HIVEP3: variants seen among roughly 807,000 people sequenced by gnomAD.
The protein encoded by HIVEP3 is HIVEP zinc finger 3, also known as transcription factor HIVEP3.
Under a neutral mutation model 152.8 loss-of-function variants are expected in HIVEP3, and 49 were observed. That is an observed-to-expected ratio of 0.32 (90% CI 0.26 to 0.41). The LOEUF is 0.41. Ranked by LOEUF, HIVEP3 falls within the 10% of genes least tolerant of loss-of-function variation. HIVEP3 has a pLI of 1.00. For synonymous variants in HIVEP3, 1,269 were observed against 1,289.0 expected, an observed-to-expected ratio of 0.98 and a Z score of 0.33; for missense variants, 2,790 against 3,103.3, an observed-to-expected ratio of 0.90 and a Z score of 2.40.
At chr1:41,626,871 GA>G (rs901763689) in intron 3 of HIVEP3, among the ~76,000 whole-genome samples, 1 of 152,178 alleles carries the variant, frequency 6.6e-6, no homozygotes, top group Admixed American at 6.5e-5. Flanking sequence ...TCTTGGTGGA[GA>G]AAAAAGTGCT....
chr1:41,972,919 A>G (rs1036764092), intron 1 of HIVEP3, among the ~76,000 whole-genome samples: 1 of 152,158 alleles, frequency 6.6e-6, no homozygotes, highest in African/African-American at 2.4e-5. Flanking sequence ...AAATGTACAA[A>G]TATTTATTGA....
chr1:41,988,531 T>C (rs1391323033), intron 1 of HIVEP3, among the ~76,000 whole-genome samples: 6 of 152,130 alleles, frequency 3.9e-5, no homozygotes, highest in Admixed American at 2.0e-4. Flanking sequence ...TTCACAACAG[T>C]TAGGATAGCT....
At chr1:41,945,297 T>C (rs955747622) in intron 1 of HIVEP3, among the ~76,000 whole-genome samples, 1 of 152,144 alleles carries the variant, frequency 6.6e-6, no homozygotes, top group African/African-American at 2.4e-5. Flanking sequence ...TCTCCAATTA[T>C]GCCCCCTCCA....
chr1:41,907,387 T>G (rs1004993222), intron 1 of HIVEP3, among the ~76,000 whole-genome samples: 10 of 152,152 alleles, frequency 6.6e-5, no homozygotes, highest in African/African-American at 2.4e-4. Flanking sequence ...CTTACCACCT[T>G]GAACTCTGGG....
chr1:41,945,534 G>T (rs931960720), intron 1 of HIVEP3, among the ~76,000 whole-genome samples: 1 of 151,736 alleles, frequency 6.6e-6, no homozygotes, highest in African/African-American at 2.4e-5. Context: ...ATAACTGCAG[G>T]CCGAGAGTTT....
intron 1 of HIVEP3, among the ~76,000 whole-genome samples, chr1:41,743,864 T>C (rs977198620): frequency 6.6e-6 from 1 of 152,010 alleles, no homozygotes; most frequent in African/African-American, 2.4e-5. Flanking sequence ...GCAGAGTAAT[T>C]GGGAAATGGA....
At chr1:41,585,798 G>A (rs1016635364) in intron 3 of HIVEP3, among the ~76,000 whole-genome samples, 5 of 152,218 alleles carry the variant, frequency 3.3e-5, no homozygotes, top group African/African-American at 1.2e-4. Context: ...ATGCTGCTGG[G>A]TGAACTCTGG....
chr1:41,566,715 C>G (rs1644169205), intron 5 of HIVEP3, among the ~76,000 whole-genome samples: 1 of 152,160 alleles, frequency 6.6e-6, no homozygotes, highest in Admixed American at 6.5e-5. Context: ...CATGCCTGTC[C>G]TCACCGGGCT....
At chr1:41,741,073 T>C (rs1646990369) in intron 1 of HIVEP3, among the ~76,000 whole-genome samples, 1 of 152,136 alleles carries the variant, frequency 6.6e-6, no homozygotes, top group Non-Finnish European at 1.5e-5. Context: ...TGGTATCTTG[T>C]CTAATTTCTG....
chr1:41,539,720 C>T (rs1163942868), intron 5 of HIVEP3, among the ~76,000 whole-genome samples: 3 of 152,234 alleles, frequency 2.0e-5, no homozygotes, highest in Non-Finnish European at 2.9e-5. Context: ...GTGCCACACG[C>T]TTTCCGTAGG....
In HIVEP3 at chr1:41,510,968, G is replaced by T; in HGVS notation, c.6704C>A (p.Ala2235Asp). Residue 2235 changes from alanine (A) to aspartate (D), a missense_variant, in exon 9 of 9, where the codon GCC becomes GAC. By Grantham distance (126) the Ala-to-Asp change is moderately radical. Around this residue, in one of 9 missense-constraint regions of HIVEP3, gnomAD observed 816 missense variants for 806.5 expected, o/e 1.01. Coordinates refer to ENST00000372583, the MANE Select transcript of HIVEP3 (RefSeq NM_024503.5). ...GCGGCCTCGCTCCTGGGCCTCCCGG[G>T]CCCCTGTCAGGTCGCTGCCACCCCC... is the stretch of plus-strand genomic sequence containing the variant. ...FSGGGSDLTG[A>D]REAQERGRWS... The T allele has an allele frequency of 1.2e-6, 2 of 1,613,558 alleles. No individual in the cohort carries two copies. Among genetic ancestry groups the T allele is most frequent in the South Asian group, 2.2e-5 (2 of 91,076 alleles).
chr1:41,530,055 A>T (rs1285613476), intron 5 of HIVEP3, among the ~76,000 whole-genome samples: 2 of 151,124 alleles, frequency 1.3e-5, no homozygotes, highest in African/African-American at 4.9e-5. Context: ...CTCCTGGCAC[A>T]CTCACCCTCA....
chr1:42,026,086 A>T (rs1316624252), intron 1 of HIVEP3, among the ~76,000 whole-genome samples: 1 of 152,020 alleles, frequency 6.6e-6, no homozygotes, highest in Non-Finnish European at 1.5e-5. Context: ...AAAAAAAAAA[A>T]AATCTGCGAA....
chr1:41,904,408 A>G (rs1644677490), intron 1 of HIVEP3, among the ~76,000 whole-genome samples: 2 of 152,040 alleles, frequency 1.3e-5, no homozygotes, highest in Admixed American at 1.3e-4. Flanking sequence ...AAGTCCAAAT[A>G]CCCAGGGCTT....
intron 1 of HIVEP3, among the ~76,000 whole-genome samples, chr1:41,973,430 C>T (rs1460125474): frequency 6.6e-6 from 1 of 152,312 alleles, no homozygotes; most frequent in East Asian, 1.9e-4. Flanking sequence ...CAGTGGTTGT[C>T]AGCACTCATA....
At position 41,580,791 on chromosome 1, in the gene HIVEP3, G is replaced by C. The variant is rs1470278745; in HGVS notation, c.4007C>G (p.Thr1336Ser). 1.3e-6 allele frequency: 2 copies of C among 1,578,078 alleles called. No individual in the cohort carries two copies. Among genetic ancestry groups the C allele is most frequent in the South Asian group, 2.4e-5 (2 of 83,208 alleles). The change falls in exon 4 of 9, where the codon ACC becomes AGC. Residue 1336 changes from threonine to serine, a missense_variant. Physicochemically the swap from Thr to Ser is moderately conservative, Grantham distance 58. Transcript: ENST00000372583. ...NMPSYGSAMY[T>S]TLSQILVTQS... is the part of the protein sequence containing the mutation. Reference sequence around the variant, plus strand: ...GGTGACCAAGATCTGGGAAAGGGTGGTGTACATTGCGCTCCCATAGGACGG... The same window carrying C: ...GGTGACCAAGATCTGGGAAAGGGTGCTGTACATTGCGCTCCCATAGGACGG...
chr1:41,638,761 A>T (rs1399232599), intron 2 of HIVEP3, among the ~76,000 whole-genome samples: 1 of 152,200 alleles, frequency 6.6e-6, no homozygotes, highest in Admixed American at 6.5e-5. Context: ...CCACCAACAC[A>T]TCAAAGCAAG....
At chr1:41,666,143 ATG>A (rs964947479) in intron 2 of HIVEP3, among the ~76,000 whole-genome samples, 29 of 144,362 alleles carry the variant, frequency 2.0e-4, no homozygotes, top group African/African-American at 3.1e-4. Context: ...GTGTGTGTGT[ATG>A]TGTGTGTGTG....
chr1:41,525,695 C>G (rs533799013), intron 5 of HIVEP3, among the ~76,000 whole-genome samples: 2 of 152,340 alleles, frequency 1.3e-5, no homozygotes, highest in East Asian at 3.9e-4. Context: ...GTGCCACCAG[C>G]TTTCAGAAGC....
Sources: gnomAD v4.1 joint callset for allele counts (sites outside exome capture counted in the v4.1 genomes callset) on GRCh38, gnomAD v4.1.1 for gene constraint, gnomAD v4.1.1 regional missense constraint, MANE v1.5 for transcripts, NCBI Gene and HGNC (gene_info 2026-07-23, HGNC 2026-07-21) for gene names.